The following PKIA variants were observed in gnomAD, a reference collection of about 807,000 sequenced individuals.
PKIA encodes the protein PKI-alpha.
PKIA carries 4 observed loss-of-function variants against 7.6 expected under a neutral mutation model. That is an observed-to-expected ratio of 0.52 (90% CI 0.26 to 1.20). PKIA has a LOEUF of 1.20. Among genes scored for constraint, PKIA ranks in the 50% most tolerant of loss-of-function variants. The pLI is 0.13. For synonymous variants in PKIA, 21 were observed against 30.7 expected (o/e 0.68, Z 1.04); for missense variants, 73 against 86.2 (o/e 0.85, Z 0.61).
At chr8:78,596,371 C>T (rs1466617937) in intron 2 of PKIA, among the ~76,000 whole-genome samples, 1 of 152,104 alleles carries the variant, frequency 6.6e-6, no homozygotes, top group East Asian at 1.9e-4. Flanking sequence ...TCTTGAGTAG[C>T]TGGGATTACA....
chr8:78,549,897 T>C (rs1806939977), intron 1 of PKIA, among the ~76,000 whole-genome samples: 1 of 152,110 alleles, frequency 6.6e-6, no homozygotes, highest in African/African-American at 2.4e-5. Context: ...CATTTATTGC[T>C]AGTCAAAGAG....
chr8:78,600,784 A>G (rs1808333436), intron 3 of PKIA, among the ~76,000 whole-genome samples: 1 of 152,118 alleles, frequency 6.6e-6, no homozygotes, highest in Non-Finnish European at 1.5e-5. Flanking sequence ...TTGTTGGAGT[A>G]TGGTGAGGTG....
intron 2 of PKIA, among the ~76,000 whole-genome samples, chr8:78,586,630 C>A (rs1423908264): frequency 6.6e-6 from 1 of 152,112 alleles, no homozygotes; most frequent in Non-Finnish European, 1.5e-5. Flanking sequence ...TCATAATATT[C>A]AAAACCCAGA....
chr8:78,546,520 A>C (rs1806828886), intron 1 of PKIA, among the ~76,000 whole-genome samples: 1 of 152,168 alleles, frequency 6.6e-6, no homozygotes. Context: ...TCTAGCATTC[A>C]ATGTAACGTT....
At chr8:78,569,650 A>T (rs1169874844) in intron 1 of PKIA, among the ~76,000 whole-genome samples, 1 of 152,226 alleles carries the variant, frequency 6.6e-6, no homozygotes, top group African/African-American at 2.4e-5. Context: ...ATGAAAAAAA[A>T]TTATAGTCAG....
In PKIA at chr8:78,603,990, A is replaced by G. The variant is rs1255875871; in HGVS notation, c.*2169A>G. 6.6e-6 allele frequency: 1 copy of G among 152,004 alleles called. No individual in the cohort carries two copies. The highest frequency in any genetic ancestry group is 6.6e-5 in the Admixed American group (1 of 15,206). The allele number at this position is 152,004 out of a possible 1,614,324, so 9.4% of individuals were successfully genotyped here. A position where few individuals can be genotyped will look rare whatever the true frequency, so the allele number is the denominator to read the frequency against. ...TTCTTACTACTGCTTTGTCTGCTAT[A>G]TTCAAACCCAAAGGCATTCCCAAGC... On this transcript the variant is annotated 3_prime_UTR_variant, in exon 4 of 4. Coordinates refer to ENST00000396418, the MANE Select transcript of PKIA (RefSeq NM_006823.4).
intron 3 of PKIA, among the ~76,000 whole-genome samples, chr8:78,599,279 T>G (rs911266919): frequency 1.3e-5 from 2 of 152,202 alleles, no homozygotes; most frequent in Non-Finnish European, 2.9e-5. Context: ...TGAGAAGACT[T>G]GTGTAAAAAT....
chr8:78,580,992 C>T (rs751923243), intron 2 of PKIA, among the ~76,000 whole-genome samples: 3 of 151,910 alleles, frequency 2.0e-5, no homozygotes, highest in Non-Finnish European at 4.4e-5. Context: ...ACATAAATCC[C>T]GTAGCTCAGT....
chr8:78,528,517 CTTAATG>C (rs1457916567), intron 1 of PKIA, among the ~76,000 whole-genome samples: 3 of 151,932 alleles, frequency 2.0e-5, no homozygotes, highest in Non-Finnish European at 4.4e-5. Context: ...ATACATCTCT[CTTAATG>C]TTAAATACAT....
chr8:78,594,125 G>A (rs919478467), intron 2 of PKIA, among the ~76,000 whole-genome samples: 1 of 152,176 alleles, frequency 6.6e-6, no homozygotes, highest in Non-Finnish European at 1.5e-5. Flanking sequence ...TAAGTGCCCT[G>A]TAGGGTACAA....
At chr8:78,526,327 T>C (rs1809543405) in intron 1 of PKIA, among the ~76,000 whole-genome samples, 1 of 152,068 alleles carries the variant, frequency 6.6e-6, no homozygotes, top group Non-Finnish European at 1.5e-5. Flanking sequence ...CTTCAAGTAG[T>C]TGATTGGATC....
At chr8:78,531,164 C>T (rs906228640) in intron 1 of PKIA, among the ~76,000 whole-genome samples, 8 of 152,058 alleles carry the variant, frequency 5.3e-5, no homozygotes, top group African/African-American at 1.4e-4. Context: ...GGAGTTTTTA[C>T]ATTTTTCATC....
chr8:78,572,157 T>A (rs1160245930), intron 1 of PKIA, among the ~76,000 whole-genome samples: 1 of 152,040 alleles, frequency 6.6e-6, no homozygotes, highest in Non-Finnish European at 1.5e-5. Context: ...TAACCTAATA[T>A]CCATCTTTCT....
intron 1 of PKIA, among the ~76,000 whole-genome samples, chr8:78,564,817 C>T (rs1807366620): frequency 6.6e-6 from 1 of 151,766 alleles, no homozygotes; most frequent in African/African-American, 2.4e-5. Context: ...ATGAGACTAT[C>T]TAGCAAAATA....
intron 2 of PKIA, among the ~76,000 whole-genome samples, chr8:78,596,274 C>T (rs143064775): frequency 4.6e-5 from 7 of 151,962 alleles, no homozygotes; most frequent in Non-Finnish European, 8.8e-5. Context: ...GTTTCACTCT[C>T]GCCGCCCAGG....
At chr8:78,520,575 G>A (rs1289478102) in intron 1 of PKIA, among the ~76,000 whole-genome samples, 2 of 152,082 alleles carry the variant, frequency 1.3e-5, no homozygotes, top group African/African-American at 4.8e-5. Context: ...ATTACCACCC[G>A]CTCTTTGAAG....
In PKIA at chr8:78,571,990, T is replaced by C. The variant is rs192167557; in HGVS notation, c.-156-821T>C. On this transcript the variant is annotated intron_variant, in intron 1 of 3. Coordinates refer to ENST00000396418, the MANE Select transcript of PKIA (RefSeq NM_006823.4). ...GAAAGAGAGATCATGTCATTTGTTTTCCATAAATGATGAATGATAGTATAG... is the reference window on the plus strand; with the variant it reads ...GAAAGAGAGATCATGTCATTTGTTTCCCATAAATGATGAATGATAGTATAG... Among the ~76,000 whole-genome samples the C allele has an allele frequency of 1.9e-3, 282 of 152,204 alleles. 1 individual carries two copies. Among genetic ancestry groups the C allele is most frequent in the African/African-American group, 6.4e-3 (264 of 41,542 alleles).
At chr8:78,575,091 G>A (rs1392226460) in intron 2 of PKIA, among the ~76,000 whole-genome samples, 3 of 151,882 alleles carry the variant, frequency 2.0e-5, no homozygotes, top group Non-Finnish European at 4.4e-5. Context: ...CGGTAACCGG[G>A]AAATTTTTAT....
chr8:78,527,402 T>G (rs911789207), intron 1 of PKIA, among the ~76,000 whole-genome samples: 2 of 152,046 alleles, frequency 1.3e-5, no homozygotes, highest in African/African-American at 4.8e-5. Flanking sequence ...ATGTATGTAT[T>G]CATTAATATT....
Sources: gnomAD v4.1 joint callset for allele counts (sites outside exome capture counted in the v4.1 genomes callset) on GRCh38, gnomAD v4.1.1 for gene constraint, MANE v1.5 for transcripts, NCBI Gene and HGNC (gene_info 2026-07-23, HGNC 2026-07-21) for gene names.